RIOK3: variants seen among roughly 807,000 people sequenced by gnomAD.
RIOK3 encodes serine/threonine-protein kinase RIO3.
In RIOK3, 40 loss-of-function variants were observed where a neutral mutation model predicts 63.5. The observed-to-expected ratio is 0.63, with a 90% CI of 0.49 to 0.82. The LOEUF (loss-of-function observed/expected upper bound fraction) is 0.82, where lower values mean the gene tolerates loss of function less well. Among genes scored for constraint, RIOK3 ranks in the 40% least tolerant of loss-of-function variants. The pLI is 0.00. For missense variants in RIOK3, 557 were observed against 637.0 expected (o/e 0.87, Z 1.35); for synonymous variants, 193 against 205.0 (o/e 0.94, Z 0.50).
intron 12 of RIOK3, 24 bp downstream of exon 12, chr18:23,479,448 C>T: frequency 1.4e-6 from 2 of 1,454,396 alleles, no homozygotes; most frequent in Non-Finnish European, 1.9e-6. Context: ...AGCTGTTTTT[C>T]ACCTTGCTGG....
intron 1 of RIOK3, among the ~76,000 whole-genome samples, chr18:23,457,496 G>A (rs1384287197): frequency 6.6e-6 from 1 of 152,168 alleles, no homozygotes; most frequent in African/African-American, 2.4e-5. Context: ...TCAGAGTAGA[G>A]TATGGACTTT....
chr18:23,462,636 G>A (rs1598805246), intron 1 of RIOK3, among the ~76,000 whole-genome samples: 1 of 152,200 alleles, frequency 6.6e-6, no homozygotes, highest in African/African-American at 2.4e-5. Flanking sequence ...AGGTAGCTTG[G>A]TGAGCAAGGA....
At chr18:23,468,164 G>T (rs902525087) in intron 7 of RIOK3, among the ~76,000 whole-genome samples, 12 of 151,934 alleles carry the variant, frequency 7.9e-5, no homozygotes, top group African/African-American at 2.7e-4. Context: ...TGGTATTTTG[G>T]TGTGCATTTA....
intron 9 of RIOK3, among the ~76,000 whole-genome samples, chr18:23,475,652 A>T (rs1351648858): frequency 6.6e-6 from 1 of 151,958 alleles, no homozygotes; most frequent in Non-Finnish European, 1.5e-5. Context: ...AAACAAAAAA[A>T]CCCAAGTTCC....
chr18:23,464,342 G>A lies in RIOK3; in HGVS notation c.433+29G>A, dbSNP rs200724912. The A allele has an allele frequency of 8.2e-5, 121 of 1,472,192 alleles. No individual in the cohort carries two copies. In the Middle Eastern group the frequency reaches 1.9e-3, roughly 23 times the overall value. The allele number at this position is 1,472,192 out of a possible 1,614,324, so 91.2% of individuals were successfully genotyped here. ...CCAAAGTTTTTACTTTCTGGGGGCA[G>A]CAGAATAGAGGTATAGGAAGACTAA... On this transcript the variant is annotated intron_variant, in intron 4 of 12. Transcript: ENST00000339486.
rs1178962891 is a variant in RIOK3 at position 23,482,572 on chromosome 18, G to A, written c.*1293G>A. The A allele has an allele frequency of 2.0e-5, 3 of 151,684 alleles. No homozygotes were observed. The highest frequency in any genetic ancestry group is 7.3e-5 in the African/African-American group (3 of 41,264). The allele number at this position is 151,684 out of a possible 1,614,324, so 9.4% of individuals were successfully genotyped here. ...TTAATCAACTAATTTGAGCTATCTG[G>A]CCTTACTCTTAGTAGTTTTTAGTAC... On this transcript the variant is annotated 3_prime_UTR_variant, in exon 13 of 13. Coordinates refer to ENST00000339486, the MANE Select transcript of RIOK3 (RefSeq NM_003831.5).
intron 1 of RIOK3, among the ~76,000 whole-genome samples, chr18:23,458,062 TG>T (rs1219767343): frequency 1.5e-5 from 2 of 136,676 alleles, no homozygotes; most frequent in Admixed American, 8.0e-5. Flanking sequence ...CCTGGCTAGT[TG>T]TTTTTTTTTT....
At position 23,469,494 on chromosome 18, in the gene RIOK3, C is replaced by CT. The variant is rs1334540352; in HGVS notation, c.815+1979dup. On this transcript the variant is annotated intron_variant, in intron 7 of 12. Transcript: ENST00000339486. Reference sequence around the variant, plus strand: ...TTTCTTTCTTTTTCTTTCCTTCTTTCTTTTTTTTTTTGAGATGGAGTCTTG... The same window carrying CT: ...TTTCTTTCTTTTTCTTTCCTTCTTTCTTTTTTTTTTTTGAGATGGAGTCTTG... Among the ~76,000 whole-genome samples, 547 of 131,856 alleles carry CT rather than the reference C, an allele frequency of 4.1e-3. 7 individuals carry two copies. Among genetic ancestry groups the CT allele is most frequent in the African/African-American group, 0.014 (492 of 35,632 alleles). 86.5% of individuals were successfully genotyped at this position (131,856 alleles called of 152,430 possible).
At chr18:23,463,409 CT>C (rs5823391) in intron 2 of RIOK3, 144 of 134,962 alleles carry the variant, frequency 1.1e-3, no homozygotes, top group South Asian at 3.9e-3. Flanking sequence ...TCCAGACTTT[CT>C]TTTTTTTTTT....
intron 1 of RIOK3, among the ~76,000 whole-genome samples, chr18:23,456,757 A>T (rs2057343666): frequency 6.6e-6 from 1 of 152,220 alleles, no homozygotes. Flanking sequence ...CAAATCTCTA[A>T]CATCTGACTT....
chr18:23,481,045 A>C, intron 12 of RIOK3, 127 bp from the exon 13 acceptor site: 2 of 643,616 alleles, frequency 3.1e-6, no homozygotes, highest in Non-Finnish European at 5.4e-6. Flanking sequence ...GCACCACTGC[A>C]CTCCAGCCTG....
intron 6 of RIOK3, among the ~76,000 whole-genome samples, chr18:23,466,742 G>A (rs1324446130): frequency 6.7e-6 from 1 of 148,836 alleles, no homozygotes; most frequent in Non-Finnish European, 1.5e-5. Context: ...GTGGCTCCCA[G>A]CACCTTGGGA....
chr18:23,471,131 C>T (rs762515184), intron 7 of RIOK3, among the ~76,000 whole-genome samples: 2 of 152,154 alleles, frequency 1.3e-5, no homozygotes, highest in African/African-American at 4.8e-5. Flanking sequence ...AACCCCTCTC[C>T]ATGACAATAA....
chr18:23,470,073 G>A (rs945323739), intron 7 of RIOK3, among the ~76,000 whole-genome samples: 2 of 152,128 alleles, frequency 1.3e-5, no homozygotes, highest in African/African-American at 4.8e-5. Context: ...TCATAATGAA[G>A]TTGGATCTCA....
rs778090563 is a variant in RIOK3, at chr18:23,481,178, GC to G, written c.1460del (p.Ala487ValfsTer5). On this transcript the variant is annotated frameshift_variant, in exon 13 of 13. Transcript: ENST00000339486. LOFTEE classifies it high-confidence loss of function. ...NEADFLAEIE[A>X]LEKMNEDHVQ... ...CAATGTATTATTTTTGTAGATAGAA[GC>G]TTTGGAGAAAATGAATGAAGATCAC... The G allele has an allele frequency of 6.2e-7, 1 of 1,604,438 alleles. No homozygotes were observed. The highest frequency in any genetic ancestry group is 1.3e-5 in the African/African-American group (1 of 74,780).
intron 1 of RIOK3, among the ~76,000 whole-genome samples, chr18:23,454,047 T>C (rs556561639): frequency 6.6e-6 from 1 of 152,222 alleles, no homozygotes; most frequent in African/African-American, 2.4e-5. Context: ...ATGAATTTCA[T>C]TATCTGCCTA....
Position 23,477,237 on chromosome 18 carries a change from T to G in RIOK3, c.1313T>G (p.Phe438Cys). The change falls in exon 11 of 13, where the codon TTC (phenylalanine) becomes TGC (cysteine). Residue 438 changes from phenylalanine (F) to cysteine (C), a missense_variant. Physicochemically the swap from Phe to Cys is radical, Grantham distance 205. Around this residue, in one of 3 missense-constraint regions of RIOK3, gnomAD observed 309 missense variants for 338.7 expected, o/e 0.91. Coordinates refer to ENST00000339486, the MANE Select transcript of RIOK3 (RefSeq NM_003831.5). ...VEPTHPHGLE[F>C]LFRDCRNVSQ... The stretch of plus-strand genomic sequence containing the variant: ...CCTACCCACCCTCACGGCCTGGAGT[T>G]CTTGTTCCGGGACTGCAGGAATGTC... 1.2e-6 allele frequency: 2 copies of G among 1,614,190 alleles called. No individual in the cohort carries two copies.
intron 7 of RIOK3, among the ~76,000 whole-genome samples, chr18:23,468,775 T>C (rs1330282842): frequency 1.3e-5 from 2 of 152,232 alleles, no homozygotes; most frequent in Non-Finnish European, 2.9e-5. Context: ...ACATAATAAA[T>C]TGCCACAGAC....
chr18:23,467,249 G>A (rs35044804), intron 6 of RIOK3, 150 bp from the exon 7 acceptor site: 48,616 of 497,956 alleles, frequency 0.098, 2,968 homozygotes, highest in Non-Finnish European at 0.12. Flanking sequence ...GGGAGGTGGA[G>A]GTTGCAGTGA....
Sources: gnomAD v4.1 joint callset for allele counts (sites outside exome capture counted in the v4.1 genomes callset) on GRCh38, gnomAD v4.1.1 for gene constraint, gnomAD v4.1.1 regional missense constraint, MANE v1.5 for transcripts, NCBI Gene and HGNC (gene_info 2026-07-23, HGNC 2026-07-21) for gene names.